Variants in OSBP observed in about 807,000 individuals in gnomAD.
OSBP encodes the protein oxysterol-binding protein 1.
OSBP carries 32 observed loss-of-function variants against 96.6 expected under a neutral mutation model. That is an observed-to-expected ratio of 0.33 (90% CI 0.25 to 0.45). OSBP has a LOEUF of 0.45. Ranked by LOEUF, OSBP falls within the 20% of genes least tolerant of loss-of-function variation. The pLI, the probability that OSBP is intolerant of heterozygous loss-of-function variation, is 1.00. For missense variants in OSBP, 653 were observed against 1,029.7 expected, an observed-to-expected ratio of 0.63 and a Z score of 5.01; for synonymous variants, 369 against 389.6, an observed-to-expected ratio of 0.95 and a Z score of 0.62.
intron 9 of OSBP, among the ~76,000 whole-genome samples, chr11:59,592,257 G>C (rs1055671657): frequency 7.2e-5 from 11 of 152,286 alleles, no homozygotes; most frequent in Middle Eastern, 3.4e-3. Context: ...TCTCCTTTTC[G>C]TTTAGGGACC....
chr11:59,610,457 T>G lies in OSBP; in HGVS notation c.495A>C (p.Ser165=), dbSNP rs1464727751. 6.2e-7 allele frequency: 1 copy of G among 1,614,202 alleles called. No individual in the cohort carries two copies. Among genetic ancestry groups the G allele is most frequent in the Non-Finnish European group, 8.5e-7 (1 of 1,180,024 alleles). The part of the protein sequence containing the change: ...GAQTYHLKAS[S]EVERQRWVTA... ...TCACCCAGCGCTGCCGCTCAACTTC[T>G]GAACTAGCTTTCAGATGGTAGGTCT... The change falls in exon 2 of 14, where the codon TCA becomes TCC. Residue 165 remains serine, a synonymous_variant. Transcript: ENST00000263847.
chr11:59,609,604 T>A (rs946011500), intron 2 of OSBP, among the ~76,000 whole-genome samples: 3 of 152,096 alleles, frequency 2.0e-5, no homozygotes, highest in East Asian at 1.9e-4. Flanking sequence ...CTTTCACTGA[T>A]GAATGAACAT....
chr11:59,586,197 A>G (rs1300148953), intron 9 of OSBP, among the ~76,000 whole-genome samples: 1 of 151,850 alleles, frequency 6.6e-6, no homozygotes, highest in Non-Finnish European at 1.5e-5. Flanking sequence ...AAAAAGAAAA[A>G]AAAAAGAATT....
At chr11:59,592,799 CTT>C (rs11440698) in intron 9 of OSBP, among the ~76,000 whole-genome samples, 25 of 141,470 alleles carry the variant, frequency 1.8e-4, no homozygotes, top group Non-Finnish European at 2.0e-4. Flanking sequence ...TGGGTTTTTC[CTT>C]TTTTTTTTTT....
intron 9 of OSBP, among the ~76,000 whole-genome samples, chr11:59,585,428 C>T (rs1290548273): frequency 6.6e-6 from 1 of 150,520 alleles, no homozygotes; most frequent in Non-Finnish European, 1.5e-5. Context: ...TGAGGAGCCC[C>T]TCCGCCCGGC....
At position 59,615,715 on chromosome 11, in the gene OSBP, C is replaced by A; in HGVS notation, c.-51G>T. 1 of 1,255,856 alleles carries A rather than the reference C, an allele frequency of 8.0e-7. No individual in the cohort carries two copies. Among genetic ancestry groups the A allele is most frequent in the South Asian group, 2.8e-5 (1 of 36,260 alleles). The allele number at this position is 1,255,856 out of a possible 1,614,324, so 77.8% of individuals were successfully genotyped here. On this transcript the variant is annotated 5_prime_UTR_variant, in exon 1 of 14. Coordinates refer to ENST00000263847, the MANE Select transcript of OSBP (RefSeq NM_002556.3). ...GACCGGAACCGCCTACGAGAGCCGC[C>A]GTCGCCGCCCGGAGCGCCCCACACG...
At chr11:59,583,693 G>A (rs1419684507) in intron 9 of OSBP, among the ~76,000 whole-genome samples, 2 of 138,594 alleles carry the variant, frequency 1.4e-5, no homozygotes, top group Admixed American at 1.6e-4. Context: ...ACCCAGGCTG[G>A]AGTGCAGTGG....
At chr11:59,586,770 C>A (rs1860504286) in intron 9 of OSBP, among the ~76,000 whole-genome samples, 1 of 152,104 alleles carries the variant, frequency 6.6e-6, no homozygotes, top group East Asian at 1.9e-4. Flanking sequence ...GGCAAGGGTG[C>A]CAAGACCACT....
intron 9 of OSBP, among the ~76,000 whole-genome samples, chr11:59,587,501 C>CAAA (rs745655455): frequency 1.3e-4 from 15 of 111,490 alleles, no homozygotes; most frequent in African/African-American, 2.9e-4. Context: ...GACTCCATGT[C>CAAA]AAAAAAAAAA....
chr11:59,576,432 T>C lies in OSBP; in HGVS notation c.*145A>G, dbSNP rs1860362200. 1 of 898,594 alleles carries C rather than the reference T, an allele frequency of 1.1e-6. No individual in the cohort carries two copies. The highest frequency in any genetic ancestry group is 1.7e-5 in the South Asian group (1 of 59,520). The allele number at this position is 898,594 out of a possible 1,614,324, so 55.7% of individuals were successfully genotyped here. ...CCAATCACCACCACTGGTGTCTCCT[T>C]CTGGTGATTGATTTGGAAAAAATGA... On this transcript the variant is annotated 3_prime_UTR_variant, in exon 14 of 14. Transcript: ENST00000263847.
chr11:59,613,210 T>C (rs1860874305), intron 1 of OSBP, among the ~76,000 whole-genome samples: 1 of 151,326 alleles, frequency 6.6e-6, no homozygotes, highest in Non-Finnish European at 1.5e-5. Context: ...TCCCGCTGGT[T>C]TGTTTATGGG....
At chr11:59,593,891 G>C (rs775133636) in intron 8 of OSBP, 119 bp downstream of exon 8, 121 of 1,445,406 alleles carry the variant, frequency 8.4e-5, no homozygotes, top group Non-Finnish European at 1.1e-4. Context: ...TGAAGAAAAA[G>C]AATAAAAGCT....
At chr11:59,593,208 G>A (rs982255758) in intron 9 of OSBP, among the ~76,000 whole-genome samples, 16 of 152,200 alleles carry the variant, frequency 1.1e-4, no homozygotes, top group African/African-American at 3.1e-4. Context: ...AGGAGAAAGC[G>A]GAAGGATTAG....
intron 3 of OSBP, among the ~76,000 whole-genome samples, chr11:59,606,595 G>A (rs1041159800): frequency 6.6e-6 from 1 of 152,132 alleles, no homozygotes; most frequent in Non-Finnish European, 1.5e-5. Context: ...TCACTACTTG[G>A]GCAATGGGAT....
chr11:59,607,225 G>A (rs1184365897), intron 3 of OSBP, among the ~76,000 whole-genome samples: 1 of 152,124 alleles, frequency 6.6e-6, no homozygotes, highest in African/African-American at 2.4e-5. Flanking sequence ...TTAATTGACT[G>A]TATGACTTAA....
chr11:59,595,820 T>A (rs891884875), intron 7 of OSBP, among the ~76,000 whole-genome samples: 2 of 151,260 alleles, frequency 1.3e-5, no homozygotes, highest in Admixed American at 1.3e-4. Flanking sequence ...GGCGTGCACC[T>A]GTAGTCTCAG....
At chr11:59,601,096 C>T (rs1464347221) in intron 5 of OSBP, among the ~76,000 whole-genome samples, 187 bp downstream of exon 5, 27 of 110,436 alleles carry the variant, frequency 2.4e-4, no homozygotes, top group African/African-American at 8.7e-4. Flanking sequence ...AGGGCCCATT[C>T]TACAAAGAGA....
chr11:59,599,956 A>T (rs1425958930), intron 7 of OSBP, among the ~76,000 whole-genome samples: 1 of 152,172 alleles, frequency 6.6e-6, no homozygotes, highest in Non-Finnish European at 1.5e-5. Context: ...ACTACATTTG[A>T]CATTTTTCAA....
In OSBP at chr11:59,615,771, C is replaced by A; in HGVS notation, c.-107G>T. ...CGCATCAGCCACCGCCGCGCAGCGT[C>A]CCCGCCCCGCCCGGCCAGCCGCGGG... is the stretch of plus-strand genomic sequence containing the variant. On this transcript the variant is annotated 5_prime_UTR_variant, in exon 1 of 14. Transcript: ENST00000263847. 1.7e-6 allele frequency: 2 copies of A among 1,207,886 alleles called. No homozygotes were observed. Among genetic ancestry groups the A allele is most frequent in the Non-Finnish European group, 1.0e-6 (1 of 971,554 alleles). 74.8% of individuals were successfully genotyped at this position (1,207,886 alleles called of 1,614,324 possible). A position where few individuals can be genotyped will look rare whatever the true frequency, so the allele number is the denominator to read the frequency against.
Sources: gnomAD v4.1 joint callset for allele counts (sites outside exome capture counted in the v4.1 genomes callset) on GRCh38, gnomAD v4.1.1 for gene constraint, MANE v1.5 for transcripts, NCBI Gene and HGNC (gene_info 2026-07-23, HGNC 2026-07-21) for gene names.